ZBTB8OS: variants seen among roughly 807,000 people sequenced by gnomAD.
ZBTB8OS encodes the protein tRNA splicing ligase complex subunit 1, also known as tRNA-splicing ligase-activating factor archease.
A neutral mutation model predicts 29.3 loss-of-function variants in ZBTB8OS; 16 were observed. The observed-to-expected ratio is 0.55, with a 90% CI of 0.37 to 0.83. The LOEUF is 0.83. Ranked by LOEUF, ZBTB8OS falls within the 40% of genes least tolerant of loss-of-function variation. ZBTB8OS has a pLI of 0.00. For synonymous variants in ZBTB8OS, 70 were observed against 64.6 expected, an observed-to-expected ratio of 1.08 and a Z score of -0.40; for missense variants, 160 against 196.9, an observed-to-expected ratio of 0.81 and a Z score of 1.12.
In ZBTB8OS at chr1:32,644,587, T is replaced by C. The variant is rs182616272; in HGVS notation, c.97+5846A>G. Among the ~76,000 whole-genome samples, 4 of 147,632 alleles carry C rather than the reference T, an allele frequency of 2.7e-5. No homozygotes were observed. The Admixed American group carries it at 2.8e-4, about 10-fold the overall frequency. ...GACTCTGTCACCCAGGCCGGGAGTA[T>C]AGTGGCATGATGATAACCCACTGCA... On this transcript the variant is annotated intron_variant, in intron 1 of 6. Coordinates refer to ENST00000468695, the MANE Select transcript of ZBTB8OS (RefSeq NM_178547.5).
chr1:32,635,722 T>G (rs1395162818), intron 1 of ZBTB8OS, among the ~76,000 whole-genome samples: 1 of 152,120 alleles, frequency 6.6e-6, no homozygotes, highest in African/African-American at 2.4e-5. Flanking sequence ...GTGAAAGAAA[T>G]CGGACCTAAC....
intron 1 of ZBTB8OS, among the ~76,000 whole-genome samples, chr1:32,643,962 C>G (rs903764381): frequency 6.6e-6 from 1 of 151,932 alleles, no homozygotes; most frequent in Non-Finnish European, 1.5e-5. Context: ...AATTAAGAGT[C>G]TTTTATTAGC....
At chr1:32,628,971 T>A (rs1645333596) in intron 5 of ZBTB8OS, among the ~76,000 whole-genome samples, 1 of 151,964 alleles carries the variant, frequency 6.6e-6, no homozygotes, top group African/African-American at 2.4e-5. Flanking sequence ...TTAAAAACTT[T>A]AAAAAAAGGT....
At chr1:32,633,487 A>G (rs1221554173) in intron 4 of ZBTB8OS, 158 bp downstream of exon 4, 2 of 561,590 alleles carry the variant, frequency 3.6e-6, no homozygotes, top group Non-Finnish European at 6.3e-6. Flanking sequence ...CAGGTTAACC[A>G]GGAAGTGCCC....
intron 1 of ZBTB8OS, among the ~76,000 whole-genome samples, chr1:32,644,433 CAG>C (rs1282754846): frequency 1.3e-5 from 2 of 151,782 alleles, no homozygotes; most frequent in East Asian, 3.9e-4. Context: ...AGTCTAAAAA[CAG>C]AGTTAGTAAA....
intron 1 of ZBTB8OS, among the ~76,000 whole-genome samples, chr1:32,641,118 G>C (rs1646364274): frequency 6.6e-6 from 1 of 151,878 alleles, no homozygotes; most frequent in South Asian, 2.1e-4. Flanking sequence ...GTTGCAGTAA[G>C]CCGAGATCGT....
At chr1:32,643,012 C>G (rs1429910268) in intron 1 of ZBTB8OS, among the ~76,000 whole-genome samples, 2 of 145,886 alleles carry the variant, frequency 1.4e-5, no homozygotes, top group Non-Finnish European at 3.0e-5. Flanking sequence ...CTCAGGTGAT[C>G]TGCGGGCCTC....
chr1:32,623,926 G>A (rs1013137857), intron 6 of ZBTB8OS, among the ~76,000 whole-genome samples: 4 of 152,190 alleles, frequency 2.6e-5, no homozygotes, highest in African/African-American at 9.7e-5. Context: ...GAGGGAGCAG[G>A]TGGAGATCAT....
At chr1:32,650,655 T>A, upstream of ZBTB8OS, 1 of 1,563,132 alleles carries the variant, frequency 6.4e-7, no homozygotes, top group Non-Finnish European at 8.7e-7. Context: ...TTTCTCGGAG[T>A]TGGCTGTTGA....
chr1:32,624,893 CAA>C (rs751409126), intron 6 of ZBTB8OS, among the ~76,000 whole-genome samples: 8 of 115,064 alleles, frequency 7.0e-5, no homozygotes, highest in African/African-American at 9.9e-5. Flanking sequence ...GACTCCATCT[CAA>C]AAAAAAAAAA....
chr1:32,640,006 T>G (rs1570649198), intron 1 of ZBTB8OS: 1 of 152,182 alleles, frequency 6.6e-6, no homozygotes, highest in East Asian at 1.9e-4. Flanking sequence ...AGTTATACAT[T>G]TCTTTGTTCC....
chr1:32,637,486 T>C (rs191973794), intron 1 of ZBTB8OS, among the ~76,000 whole-genome samples: 12 of 151,842 alleles, frequency 7.9e-5, no homozygotes, highest in African/African-American at 2.9e-4. Context: ...GAGAACTGCT[T>C]GAACCCTGGA....
rs184517481 is a variant in ZBTB8OS at position 32,644,861 on chromosome 1, C to T, written c.97+5572G>A. On this transcript the variant is annotated intron_variant, in intron 1 of 6. Coordinates refer to ENST00000468695, the MANE Select transcript of ZBTB8OS (RefSeq NM_178547.5). ...CACCCAGGTGTTTAATTTACTACCA[C>T]GCACTTAAAATTAAAAATAATATAA... is the stretch of plus-strand genomic sequence containing the variant. Among the ~76,000 whole-genome samples the T allele has an allele frequency of 1.4e-3, 210 of 151,888 alleles. 1 individual carries two copies. Among genetic ancestry groups the T allele is most frequent in the African/African-American group, 4.7e-3 (196 of 41,478 alleles).
chr1:32,640,871 C>T (rs1050276869), intron 1 of ZBTB8OS, among the ~76,000 whole-genome samples: 34 of 152,084 alleles, frequency 2.2e-4, no homozygotes, highest in African/African-American at 7.7e-4. Flanking sequence ...TGTGACAGAT[C>T]ACTGTTCACT....
chr1:32,644,025 G>C (rs1159092473), intron 1 of ZBTB8OS, among the ~76,000 whole-genome samples: 1 of 151,944 alleles, frequency 6.6e-6, no homozygotes, highest in Non-Finnish European at 1.5e-5. Context: ...CAAGGAAGGG[G>C]CTTGATTAAC....
chr1:32,645,708 C>T (rs138390606), intron 1 of ZBTB8OS, among the ~76,000 whole-genome samples: 7 of 152,208 alleles, frequency 4.6e-5, no homozygotes, highest in South Asian at 2.1e-4. Context: ...AAGACCAAGC[C>T]GAGTCTCAAA....
intron 1 of ZBTB8OS, among the ~76,000 whole-genome samples, chr1:32,644,233 G>T (rs1462844956): frequency 6.6e-6 from 1 of 152,158 alleles, no homozygotes; most frequent in East Asian, 1.9e-4. Flanking sequence ...GGGAACTGCG[G>T]ATATAGCTTG....
At chr1:32,637,735 T>C (rs959842510) in intron 1 of ZBTB8OS, among the ~76,000 whole-genome samples, 3 of 152,164 alleles carry the variant, frequency 2.0e-5, no homozygotes, top group Non-Finnish European at 4.4e-5. Context: ...ACACGTTCTA[T>C]AGATTGGATG....
chr1:32,632,619 G>A (rs574613886), intron 4 of ZBTB8OS, among the ~76,000 whole-genome samples: 36 of 152,054 alleles, frequency 2.4e-4, no homozygotes, highest in East Asian at 1.7e-3. Flanking sequence ...AGGGAGTTTC[G>A]CCATGTTGCC....
Sources: gnomAD v4.1 joint callset for allele counts (sites outside exome capture counted in the v4.1 genomes callset) on GRCh38, gnomAD v4.1.1 for gene constraint, MANE v1.5 for transcripts, NCBI Gene and HGNC (gene_info 2026-07-23, HGNC 2026-07-21) for gene names.